The following ZBTB20 variants were observed in gnomAD, a reference collection of about 807,000 sequenced individuals.
ZBTB20 encodes the protein zinc finger and BTB domain containing 20.
ZBTB20 carries 9 observed loss-of-function variants against 56.9 expected under a neutral mutation model. The observed-to-expected ratio is 0.16, with a 90% CI of 0.10 to 0.28. The LOEUF (loss-of-function observed/expected upper bound fraction) is 0.28. Ranked by LOEUF, ZBTB20 falls within the 10% of genes least tolerant of loss-of-function variation. ZBTB20 has a pLI of 1.00. For synonymous variants in ZBTB20, 417 were observed against 420.7 expected (o/e 0.99, Z 0.11); for missense variants, 655 against 1,003.0 (o/e 0.65, Z 4.69).
intron 4 of ZBTB20, among the ~76,000 whole-genome samples, chr3:114,824,291 C>A (rs985723558): frequency 9.9e-5 from 15 of 151,814 alleles, no homozygotes; most frequent in East Asian, 3.9e-4. Flanking sequence ...ATCCCAAAAA[C>A]CAATGAAGAG....
intron 6 of ZBTB20, among the ~76,000 whole-genome samples, chr3:114,541,828 T>C (rs955754408): frequency 2.0e-5 from 3 of 152,164 alleles, no homozygotes; most frequent in African/African-American, 4.8e-5. Flanking sequence ...GAGGAAACTG[T>C]CATCAAATTA....
intron 4 of ZBTB20, among the ~76,000 whole-genome samples, chr3:114,874,858 T>A (rs533410443): frequency 4.9e-4 from 75 of 152,338 alleles, no homozygotes; most frequent in Admixed American, 9.8e-4. Context: ...TACAATACTC[T>A]GTTTCCTTCC....
At chr3:114,909,436 A>C (rs2075442954) in intron 3 of ZBTB20, among the ~76,000 whole-genome samples, 1 of 152,076 alleles carries the variant, frequency 6.6e-6, no homozygotes, top group South Asian at 2.1e-4. Context: ...AGCTAGGGTT[A>C]ATTTATTATT....
chr3:115,099,519 A>G (rs920282567), intron 1 of ZBTB20, among the ~76,000 whole-genome samples: 3 of 152,176 alleles, frequency 2.0e-5, no homozygotes, highest in Non-Finnish European at 2.9e-5. Context: ...CCCAGATGCA[A>G]TGTTTCTATG....
chr3:115,004,676 T>C (rs1388738431), intron 2 of ZBTB20, among the ~76,000 whole-genome samples: 1 of 151,532 alleles, frequency 6.6e-6, no homozygotes, highest in Non-Finnish European at 1.5e-5. Flanking sequence ...ACTTGGCCAG[T>C]TTTTTCTTTT....
intron 4 of ZBTB20, among the ~76,000 whole-genome samples, chr3:114,850,846 T>A (rs2074964509): frequency 6.6e-6 from 1 of 152,224 alleles, no homozygotes; most frequent in African/African-American, 2.4e-5. Flanking sequence ...GAAGACTGTG[T>A]AGCCTCAAAA....
intron 6 of ZBTB20, among the ~76,000 whole-genome samples, chr3:114,571,308 C>G (rs531690618): frequency 1.3e-5 from 2 of 152,162 alleles, no homozygotes; most frequent in African/African-American, 4.8e-5. Context: ...CTATAAAAAA[C>G]AAGAGATATA....
chr3:114,803,800 T>G (rs1216461631), intron 4 of ZBTB20, among the ~76,000 whole-genome samples: 1 of 143,804 alleles, frequency 7.0e-6, no homozygotes, highest in Non-Finnish European at 1.5e-5. Context: ...TTTTTTTAAT[T>G]CAAATTCACT....
chr3:114,903,720 A>G (rs1300828183), intron 3 of ZBTB20, among the ~76,000 whole-genome samples: 3 of 152,066 alleles, frequency 2.0e-5, no homozygotes, highest in Admixed American at 6.6e-5. Context: ...AATCAGGAAA[A>G]GGAAAATAAG....
intron 1 of ZBTB20, chr3:115,102,863 G>A (rs1228926497): frequency 1.3e-5 from 2 of 152,264 alleles, no homozygotes; most frequent in African/African-American, 4.8e-5. Flanking sequence ...TGCTCAGGAG[G>A]CTGAGGCAGG....
intron 4 of ZBTB20, among the ~76,000 whole-genome samples, chr3:114,824,314 A>C (rs936568216): frequency 1.3e-5 from 2 of 152,020 alleles, no homozygotes; most frequent in East Asian, 3.9e-4. Context: ...ACTTTGATAC[A>C]AAACATATCC....
intron 5 of ZBTB20, among the ~76,000 whole-genome samples, chr3:114,706,921 A>G (rs1381110698): frequency 6.6e-6 from 1 of 152,022 alleles, no homozygotes; most frequent in African/African-American, 2.4e-5. Flanking sequence ...TAAGAGGGGA[A>G]AAAAAGGGGG....
rs560479993 is a variant in ZBTB20 at position 114,537,048 on chromosome 3, G to A, written c.-294-36657C>T. ...AACCATAAAAACCCTAGAAGAAAAC[G>A]TAGGCGATACCATTCAGGACATAGT... is the stretch of plus-strand genomic sequence containing the variant. On this transcript the variant is annotated intron_variant, in intron 6 of 11. Coordinates refer to ENST00000675478, the MANE Select transcript of ZBTB20 (RefSeq NM_001348800.3). Among the ~76,000 whole-genome samples, 20 of 151,968 alleles carry A rather than the reference G, an allele frequency of 1.3e-4. No homozygotes were observed. The South Asian group carries it at 1.5e-3, about 11-fold the overall frequency.
At chr3:114,620,261 T>C (rs958002721) in intron 6 of ZBTB20, among the ~76,000 whole-genome samples, 2 of 152,108 alleles carry the variant, frequency 1.3e-5, no homozygotes, top group African/African-American at 4.8e-5. Flanking sequence ...CTCTGCCAAT[T>C]TGTGTTCTAG....
intron 3 of ZBTB20, among the ~76,000 whole-genome samples, chr3:114,935,626 C>A (rs939679574): frequency 2.6e-5 from 4 of 152,200 alleles, no homozygotes; most frequent in Non-Finnish European, 2.9e-5. Context: ...GTTTTCCAGT[C>A]TGCTTTCTCG....
At chr3:114,917,626 A>C (rs2075796128) in intron 3 of ZBTB20, among the ~76,000 whole-genome samples, 1 of 152,208 alleles carries the variant, frequency 6.6e-6, no homozygotes, top group Non-Finnish European at 1.5e-5. Flanking sequence ...ACAGACTCAT[A>C]GAATTACCAT....
intron 7 of ZBTB20, among the ~76,000 whole-genome samples, chr3:114,422,685 G>C (rs1258546670): frequency 6.6e-6 from 1 of 152,104 alleles, no homozygotes; most frequent in Non-Finnish European, 1.5e-5. Flanking sequence ...GTAGCTTCTA[G>C]ACATCAAACT....
At position 114,328,444 on chromosome 3, in the gene ZBTB20, C is replaced by A. The variant is rs2079129793; in HGVS notation, c.*10561G>T. On this transcript the variant is annotated 3_prime_UTR_variant, in exon 12 of 12. Coordinates refer to ENST00000675478, the MANE Select transcript of ZBTB20 (RefSeq NM_001348800.3). The stretch of plus-strand genomic sequence containing the variant: ...GTGGAAACAGTCAACATTAATGATT[C>A]TTTTTTTCTCCGTCAAAAGTGATTT... The A allele has an allele frequency of 6.6e-6, 1 of 151,798 alleles. No individual in the cohort carries two copies. Among genetic ancestry groups the A allele is most frequent in the African/African-American group, 2.4e-5 (1 of 41,304 alleles). The allele number at this position is 151,798 out of a possible 1,614,324, so 9.4% of individuals were successfully genotyped here.
intron 6 of ZBTB20, among the ~76,000 whole-genome samples, chr3:114,580,627 A>G (rs1014317317): frequency 6.6e-6 from 1 of 151,858 alleles, no homozygotes; most frequent in African/African-American, 2.4e-5. Flanking sequence ...TCAAAGTAGT[A>G]AGAGAGCTCA....
Sources: allele counts gnomAD v4.1 joint callset (sites outside exome capture counted in the v4.1 genomes callset), GRCh38; gene constraint gnomAD v4.1.1; transcripts MANE v1.5; gene names NCBI Gene and HGNC (gene_info 2026-07-23, HGNC 2026-07-21).